The following SGSM1 variants were observed in gnomAD, a reference collection of about 807,000 sequenced individuals.
SGSM1 encodes RUN and TBC1 domain containing 2.
Under a neutral mutation model 133.8 loss-of-function variants are expected in SGSM1, and 73 were observed. The observed-to-expected ratio is 0.55, with a 90% CI of 0.45 to 0.66. The LOEUF (loss-of-function observed/expected upper bound fraction) is 0.66. Ranked by LOEUF, SGSM1 falls within the 30% of genes least tolerant of loss-of-function variation. The pLI, the probability that SGSM1 is intolerant of heterozygous loss-of-function variation, is 0.00. For missense variants in SGSM1, 1,213 were observed against 1,448.1 expected, an observed-to-expected ratio of 0.84 and a Z score of 2.64; for synonymous variants, 563 against 573.0, an observed-to-expected ratio of 0.98 and a Z score of 0.25.
intron 9 of SGSM1, among the ~76,000 whole-genome samples, chr22:24,860,913 A>ATATAT (rs1569152185): frequency 9.0e-6 from 1 of 110,806 alleles, no homozygotes; most frequent in Non-Finnish European, 1.7e-5. Flanking sequence ...AAAAAAAAAA[A>ATATAT]AAAAAAAAAA....
intron 2 of SGSM1, among the ~76,000 whole-genome samples, chr22:24,822,276 T>C (rs980959268): frequency 5.9e-5 from 9 of 151,858 alleles, no homozygotes; most frequent in African/African-American, 2.2e-4. Context: ...GTATTTTTAG[T>C]AGAGACAGGG....
intron 12 of SGSM1, 22 bp downstream of exon 12, chr22:24,868,877 C>T: frequency 6.2e-7 from 1 of 1,610,818 alleles, no homozygotes; most frequent in Non-Finnish European, 8.5e-7. Flanking sequence ...TGTCCCGGGC[C>T]CCGGGGAGTC....
chr22:24,886,456 C>T, intron 15 of SGSM1, 144 bp from the exon 16 acceptor site: 1 of 1,053,254 alleles, frequency 9.5e-7, no homozygotes, highest in Non-Finnish European at 1.3e-6. Context: ...GTAATCCCAG[C>T]ACTTTGGGAG....
intron 16 of SGSM1, among the ~76,000 whole-genome samples, chr22:24,888,851 G>A (rs73157915): frequency 0.16 from 24,219 of 151,658 alleles, 2,197 homozygotes; most frequent in South Asian, 0.31. Flanking sequence ...CTTCTGTTCC[G>A]GTGATCTATG....
rs1278807690 is a variant in SGSM1 at position 24,868,367 on chromosome 22, TGGC to T, written c.995-5_995-3del. ...CCACTGGGTCTTCTCTGGCTGGTGG[TGGC>T]GGCAGTTGACAGCGGCGGGACAGTG... is the stretch of plus-strand genomic sequence containing the variant. On this transcript the variant is annotated splice_polypyrimidine_tract_variant and splice_region_variant and intron_variant, in intron 10 of 24. Transcript: ENST00000400358. The T allele has an allele frequency of 6.2e-7, 1 of 1,604,394 alleles. No individual in the cohort carries two copies. Among genetic ancestry groups the T allele is most frequent in the African/African-American group, 1.3e-5 (1 of 74,646 alleles).
intron 21 of SGSM1, among the ~76,000 whole-genome samples, chr22:24,908,091 A>G (rs922596594): frequency 3.9e-5 from 6 of 152,106 alleles, no homozygotes; most frequent in Non-Finnish European, 7.3e-5. Context: ...TTTGACAGAG[A>G]TACTAAGACA....
intron 20 of SGSM1, among the ~76,000 whole-genome samples, chr22:24,904,743 G>A (rs190360840): frequency 1.1e-4 from 17 of 152,230 alleles, no homozygotes; most frequent in Admixed American, 7.8e-4. Flanking sequence ...AAGTGAATAC[G>A]TCAATGTTGC....
chr22:24,913,638 A>G (rs930167652), intron 22 of SGSM1, among the ~76,000 whole-genome samples: 1 of 152,232 alleles, frequency 6.6e-6, no homozygotes, highest in African/African-American at 2.4e-5. Flanking sequence ...GAACTTTAAA[A>G]TACTACAAAG....
chr22:24,887,378 G>A (rs1415538843), intron 16 of SGSM1, among the ~76,000 whole-genome samples: 1 of 152,150 alleles, frequency 6.6e-6, no homozygotes, highest in Admixed American at 6.5e-5. Flanking sequence ...TTTTGGGATT[G>A]ACTTTTTTTC....
intron 2 of SGSM1, among the ~76,000 whole-genome samples, chr22:24,843,081 AC>A (rs1929899241): frequency 6.6e-6 from 1 of 152,134 alleles, no homozygotes; most frequent in African/African-American, 2.4e-5. Context: ...GCTCCTTCCT[AC>A]CCTGTGACCT....
At chr22:24,845,724 C>T (rs1355043739) in intron 3 of SGSM1, among the ~76,000 whole-genome samples, 1 of 152,180 alleles carries the variant, frequency 6.6e-6, no homozygotes, top group Non-Finnish European at 1.5e-5. Flanking sequence ...CTGGGGGCAC[C>T]ACCCCACGGG....
At chr22:24,879,143 T>C (rs1404338498) in intron 13 of SGSM1, among the ~76,000 whole-genome samples, 1 of 152,180 alleles carries the variant, frequency 6.6e-6, no homozygotes, top group South Asian at 2.1e-4. Flanking sequence ...CTAATTCTCA[T>C]TGGCTCAGGT....
At chr22:24,847,479 A>G (rs557582675) in intron 3 of SGSM1, among the ~76,000 whole-genome samples, 155 bp from the exon 4 acceptor site, 5 of 152,310 alleles carry the variant, frequency 3.3e-5, no homozygotes, top group Middle Eastern at 6.8e-3. Context: ...TTATGCACCT[A>G]TACAAGTGTG....
At chr22:24,855,118 G>A (rs1930691001) in intron 6 of SGSM1, 55 bp downstream of exon 6, 1 of 1,581,526 alleles carries the variant, frequency 6.3e-7, no homozygotes. Context: ...GAGTCTGAGG[G>A]GCACCTTCTC....
At position 24,844,988 on chromosome 22, in the gene SGSM1, G is replaced by A. The variant is rs377324074; in HGVS notation, c.139+16G>A. On this transcript the variant is annotated intron_variant, in intron 3 of 24. Coordinates refer to ENST00000400358, the MANE Select transcript of SGSM1 (RefSeq NM_001098497.3). ...TCCTTCTGTGGTGAGTCTGTGACCT[G>A]GGAAAGTGGCTTCTTTCTCTGTGGG... is the stretch of plus-strand genomic sequence containing the variant. 12 of 1,612,796 alleles carry A rather than the reference G, an allele frequency of 7.4e-6. No individual in the cohort carries two copies. The highest frequency in any genetic ancestry group is 2.2e-5 in the East Asian group (1 of 44,866).
At chr22:24,869,452 T>TC (rs1485311240) in intron 12 of SGSM1, among the ~76,000 whole-genome samples, 42 of 152,064 alleles carry the variant, frequency 2.8e-4, no homozygotes, top group African/African-American at 9.9e-4. Context: ...CCTGGGGAGG[T>TC]CGAGGCTGCA....
Position 24,876,572 on chromosome 22 carries a change from C to A in SGSM1, c.1292-5C>A. The A allele has an allele frequency of 6.2e-7, 1 of 1,613,964 alleles. No individual in the cohort carries two copies. Among genetic ancestry groups the A allele is most frequent in the African/African-American group, 1.3e-5 (1 of 75,024 alleles). On this transcript the variant is annotated splice_polypyrimidine_tract_variant and splice_region_variant and intron_variant, in intron 12 of 24. Coordinates refer to ENST00000400358, the MANE Select transcript of SGSM1 (RefSeq NM_001098497.3). ...TTCTTCTGCCCCTCCTTCTATCCAC[C>A]ACAGTGCCCCAGGATCTGATGGACG...
rs536913962 is a variant in SGSM1, at chr22:24,833,721, G to C, written c.64-11176G>C. ...AAGGGAACACAGTTAAGCCCATAGC[G>C]ATGGGGGAGGTGACATTTTGCATGA... On this transcript the variant is annotated intron_variant, in intron 2 of 24. Coordinates refer to ENST00000400358, the MANE Select transcript of SGSM1 (RefSeq NM_001098497.3). Among the ~76,000 whole-genome samples, 8 of 152,294 alleles carry C rather than the reference G, an allele frequency of 5.3e-5. No individual in the cohort carries two copies. In the South Asian group the frequency reaches 1.7e-3, roughly 32 times the overall value.
chr22:24,857,596 T>C (rs1930882608), intron 8 of SGSM1, among the ~76,000 whole-genome samples: 1 of 152,198 alleles, frequency 6.6e-6, no homozygotes, highest in African/African-American at 2.4e-5. Context: ...GAAAATATCA[T>C]TGAAATACAT....
Sources: gnomAD v4.1 joint callset for allele counts (sites outside exome capture counted in the v4.1 genomes callset) on GRCh38, gnomAD v4.1.1 for gene constraint, MANE v1.5 for transcripts, NCBI Gene and HGNC (gene_info 2026-07-23, HGNC 2026-07-21) for gene names.